Variants in SACS observed in about 807,000 individuals in gnomAD.
SACS encodes the protein sacsin molecular chaperone.
SACS carries 197 observed loss-of-function variants against 348.0 expected under a neutral mutation model. The ratio of observed to expected loss-of-function variants is 0.57; its 90% CI spans 0.50 to 0.64. The LOEUF is 0.64. SACS is among the 30% of genes least tolerant of loss of function. The pLI, the probability that SACS is intolerant of heterozygous loss-of-function variation, is 0.00. For missense variants in SACS, 4,999 were observed against 5,360.8 expected (o/e 0.93, Z 2.11); for synonymous variants, 1,985 against 1,910.6 (o/e 1.04, Z -1.02).
chr13:23,354,108 A>G (rs1002114025), intron 8 of SACS, among the ~76,000 whole-genome samples: 2 of 152,238 alleles, frequency 1.3e-5, no homozygotes, highest in African/African-American at 4.8e-5. Context: ...TCAACATCTT[A>G]CAGTAAAATT....
intron 1 of SACS, among the ~76,000 whole-genome samples, chr13:23,412,386 G>A (rs960729808): frequency 6.7e-6 from 1 of 149,672 alleles, no homozygotes; most frequent in Non-Finnish European, 1.5e-5. Flanking sequence ...TTTCAGGAAC[G>A]ACACCCTTTA....
At chr13:23,367,149 C>CTT (rs1347097242) in intron 5 of SACS, among the ~76,000 whole-genome samples, 3 of 152,206 alleles carry the variant, frequency 2.0e-5, no homozygotes, top group Non-Finnish European at 4.4e-5. Flanking sequence ...CTATTCACTT[C>CTT]TTTCTACCCC....
At chr13:23,356,516 G>A (rs1051297871) in intron 7 of SACS, among the ~76,000 whole-genome samples, 3 of 152,188 alleles carry the variant, frequency 2.0e-5, no homozygotes, top group African/African-American at 7.2e-5. Context: ...CCTCTGGAGC[G>A]GAAGCACTTC....
chr13:23,402,153 G>A (rs931372988), intron 2 of SACS, among the ~76,000 whole-genome samples: 2 of 151,284 alleles, frequency 1.3e-5, no homozygotes, highest in African/African-American at 2.4e-5. Context: ...ACTCCAGCCT[G>A]GGCAAAAGAG....
chr13:23,424,288 G>C (rs1282313366), intron 1 of SACS, among the ~76,000 whole-genome samples: 1 of 152,212 alleles, frequency 6.6e-6, no homozygotes, highest in Admixed American at 6.5e-5. Context: ...AACTTTGGGA[G>C]GCCAAAGCGG....
chr13:23,338,535 G>A lies in SACS; in HGVS notation c.5341C>T (p.Leu1781Phe), dbSNP rs764461676. ...GGGTCATCATCTGGACCTCTAAAAA[G>A]TGGCGACTGTAAATCAGCAATCCTT... Reference protein sequence around the residue: ...FRRIADLQSPLFRGPDDDPAA... With the variant: ...FRRIADLQSPFFRGPDDDPAA... The change falls in exon 10 of 10, where the codon CTT (leucine) becomes TTT (phenylalanine). Residue 1781 changes from leucine to phenylalanine, a missense_variant. Physicochemically the swap from Leu to Phe is conservative, Grantham distance 22. This residue lies in a region of SACS where 3,156 missense variants were observed against 3,380.1 expected (regional missense o/e 0.93). Transcript: ENST00000382292. The A allele has an allele frequency of 4.3e-6, 7 of 1,614,056 alleles. No individual in the cohort carries two copies. The highest frequency in any genetic ancestry group is 5.1e-6 in the Non-Finnish European group (6 of 1,180,028).
At position 23,398,189 on chromosome 13, in the gene SACS, C is replaced by T. The variant is rs1334976216; in HGVS notation, c.20+13031G>A. Among the ~76,000 whole-genome samples the T allele has an allele frequency of 2.6e-5, 4 of 151,176 alleles. No homozygotes were observed. In the East Asian group the frequency reaches 5.8e-4, roughly 22 times the overall value. On this transcript the variant is annotated intron_variant, in intron 2 of 9. Transcript: ENST00000382292. ...CTGGGCAACAAGAGCGAAACTCCAT[C>T]TCAAAAAATAAAATAAAATTAAATT...
At chr13:23,377,671 G>A (rs548753863) in intron 2 of SACS, among the ~76,000 whole-genome samples, 104 of 152,126 alleles carry the variant, frequency 6.8e-4, no homozygotes, top group African/African-American at 2.3e-3. Context: ...TTCCTTCCCC[G>A]GTACCCACTC....
chr13:23,423,424 T>C (rs1874035870), intron 1 of SACS, among the ~76,000 whole-genome samples: 1 of 152,132 alleles, frequency 6.6e-6, no homozygotes, highest in Non-Finnish European at 1.5e-5. Context: ...TATCTATCAC[T>C]AATAACAAAA....
intron 1 of SACS, among the ~76,000 whole-genome samples, chr13:23,421,918 A>G (rs546144328): frequency 6.6e-6 from 1 of 151,808 alleles, no homozygotes; most frequent in Non-Finnish European, 1.5e-5. Flanking sequence ...CTGGTGTTCA[A>G]CGGGGGCCCA....
rs376355188 is a variant in SACS at position 23,408,841 on chromosome 13, T to G, written c.20+2379A>C. Among the ~76,000 whole-genome samples, 6 of 151,070 alleles carry G rather than the reference T, an allele frequency of 4.0e-5. No individual in the cohort carries two copies. In the East Asian group the frequency reaches 1.0e-3, roughly 25 times the overall value. ...TTAGCCGGGCGTGGTGGTGGGCACC[T>G]GTAGTCCCAGCTCGGGAGGCTGAGG... On this transcript the variant is annotated intron_variant, in intron 2 of 9. Transcript: ENST00000382292.
rs768749854 is a variant in SACS, at chr13:23,337,068, C to T, written c.6808G>A (p.Gly2270Ser). 2 of 1,613,802 alleles carry T rather than the reference C, an allele frequency of 1.2e-6. No homozygotes were observed. Residue 2270 changes from glycine (G) to serine (S), a missense_variant, in exon 10 of 10, where the codon GGT becomes AGT. Transcript: ENST00000382292. ...ILNENSHSFR[G>S]CGSVSLAVKE... ...ACAGCCAATGACACTGAACCACAAC[C>T]TCTAAAAGAATGGGAATTTTCATTT...
Position 23,340,000 on chromosome 13 carries a change from A to G in SACS, c.3876T>C (p.Ile1292=). 1 of 1,613,536 alleles carries G rather than the reference A, an allele frequency of 6.2e-7. No individual in the cohort carries two copies. Among genetic ancestry groups the G allele is most frequent in the Non-Finnish European group, 8.5e-7 (1 of 1,179,792 alleles). Residue 1292 remains isoleucine, a synonymous_variant, in exon 10 of 10, where the codon ATT becomes ATC. Coordinates refer to ENST00000382292, the MANE Select transcript of SACS (RefSeq NM_014363.6). ...KKFCPLAQAV[I]KPIHDLDLQP... The stretch of plus-strand genomic sequence containing the variant: ...GAAGGTCAAGATCATGGATTGGTTT[A>G]ATCACAGCCTGGGCAAGTGGACAAA...
rs1566062854 is a variant in SACS, at chr13:23,335,393, C to T, written c.8483G>A (p.Ser2828Asn). 2 of 1,613,904 alleles carry T rather than the reference C, an allele frequency of 1.2e-6. No homozygotes were observed. Among genetic ancestry groups the T allele is most frequent in the Non-Finnish European group, 8.5e-7 (1 of 1,179,876 alleles). ...GACACTTTTAGATACTTTCTCCATA[C>T]TTGAAAAGCCTGATCTATTACAAAT... ...WLICNRSGFS[S>N]MEKVSKSVIS... Residue 2828 changes from serine (S) to asparagine (N), a missense_variant, in exon 10 of 10, where the codon AGT (serine) becomes AAT (asparagine). Transcript: ENST00000382292. This position sits in a 1 kb window ranked among gnomAD's most constrained non-coding sequence, Gnocchi z 4.7.
In SACS at chr13:23,335,469, T is replaced by A. The variant is rs1361216414; in HGVS notation, c.8407A>T (p.Thr2803Ser). Residue 2803 changes from threonine (T) to serine (S), a missense_variant, in exon 10 of 10, where the codon ACC becomes TCC. This residue lies in a region of SACS where 3,156 missense variants were observed against 3,380.1 expected (regional missense o/e 0.93). Transcript: ENST00000382292. The surrounding 1 kb of genome is among the most constrained non-coding windows in gnomAD (Gnocchi z 4.7). The part of the protein sequence containing the change: ...QLKDIPVQQI[T>S]YTMDTEDSEG... ...GAGTCCTCAGTATCCATAGTATAGGTTATTTGTTGAACTGGTATGTCTTTG... is the reference window on the plus strand; with the variant it reads ...GAGTCCTCAGTATCCATAGTATAGGATATTTGTTGAACTGGTATGTCTTTG... The A allele has an allele frequency of 4.3e-6, 7 of 1,613,720 alleles. No homozygotes were observed. Among genetic ancestry groups the A allele is most frequent in the Non-Finnish European group, 5.9e-6 (7 of 1,179,856 alleles).
At chr13:23,420,208 C>T (rs1282112005) in intron 1 of SACS, among the ~76,000 whole-genome samples, 1 of 152,088 alleles carries the variant, frequency 6.6e-6, no homozygotes, top group African/African-American at 2.4e-5. Flanking sequence ...TGCTCTTCAT[C>T]TTGGACTTGG....
Position 23,330,703 on chromosome 13 carries a change from T to A in SACS, c.13173A>T (p.Lys4391Asn). 1 of 1,614,124 alleles carries A rather than the reference T, an allele frequency of 6.2e-7. No homozygotes were observed. Among genetic ancestry groups the A allele is most frequent in the Non-Finnish European group, 8.5e-7 (1 of 1,179,976 alleles). ...AAGTATAGAATCTCTGAAATGAGTATTTGTCTGACTGAAATCGGGATGCTG... is the reference window on the plus strand; with the variant it reads ...AAGTATAGAATCTCTGAAATGAGTAATTGTCTGACTGAAATCGGGATGCTG... ...STSASRFQSD[K>N]YSFQRFYTSW... The change falls in exon 10 of 10, where the codon AAA becomes AAT. Residue 4391 changes from lysine to asparagine, a missense_variant. Around this residue, in one of 6 missense-constraint regions of SACS, gnomAD observed 254 missense variants for 275.1 expected, o/e 0.92. Transcript: ENST00000382292.
rs766595607 is a variant in SACS, at chr13:23,333,969, G to C, written c.9907C>G (p.Pro3303Ala). ...ACTGCAATGTGCATAAGGCTGAGAG[G>C]AAGCAGAACATCTCCTTCAGGAACC... ...LVVPEGDVLL[P>A]LSLMHIAVFP... is the part of the protein sequence containing the mutation. Residue 3303 changes from proline to alanine, a missense_variant, in exon 10 of 10, where the codon CCT becomes GCT. Physicochemically the swap from Pro to Ala is conservative, Grantham distance 27. Transcript: ENST00000382292. 2.5e-6 allele frequency: 4 copies of C among 1,613,880 alleles called. No homozygotes were observed. Among genetic ancestry groups the C allele is most frequent in the South Asian group, 1.1e-5 (1 of 91,068 alleles).
Position 23,329,180 on chromosome 13 carries a change from AATG to A in SACS, c.*953_*955del. 1 of 432,604 alleles carries A rather than the reference AATG, an allele frequency of 2.3e-6. No homozygotes were observed. The highest frequency in any genetic ancestry group is 4.0e-6 in the Non-Finnish European group (1 of 248,960). The allele number at this position is 432,604 out of a possible 1,614,324, so 26.8% of individuals were successfully genotyped here. On this transcript the variant is annotated 3_prime_UTR_variant, in exon 10 of 10. Coordinates refer to ENST00000382292, the MANE Select transcript of SACS (RefSeq NM_014363.6). ...ATAATTATAAACTACTAGATAACAC[AATG>A]ATTTTAACAATTTTTGATGTTTTTA...
Sources: allele counts gnomAD v4.1 joint callset (sites outside exome capture counted in the v4.1 genomes callset), GRCh38; gene constraint gnomAD v4.1.1; regional missense constraint gnomAD v4.1.1; non-coding constraint Gnocchi (gnomAD v3.1); transcripts MANE v1.5; gene names NCBI Gene and HGNC (gene_info 2026-07-23, HGNC 2026-07-21).